The following BCKDHB variants were observed in gnomAD, a reference collection of about 807,000 sequenced individuals.
BCKDHB encodes the protein branched chain keto acid dehydrogenase E1 subunit beta.
Under a neutral mutation model 48.5 loss-of-function variants are expected in BCKDHB, and 41 were observed. The ratio of observed to expected loss-of-function variants is 0.85; its 90% CI spans 0.66 to 1.10. The LOEUF (loss-of-function observed/expected upper bound fraction) is 1.10. Among genes scored for constraint, BCKDHB ranks in the 50% least tolerant of loss-of-function variants. The pLI, the probability that BCKDHB is intolerant of heterozygous loss-of-function variation, is 0.00. For missense variants in BCKDHB, 496 were observed against 494.2 expected, an observed-to-expected ratio of 1.00 and a Z score of -0.03; for synonymous variants, 201 against 174.8, an observed-to-expected ratio of 1.15 and a Z score of -1.18.
chr6:80,192,803 T>C (rs918565275), intron 6 of BCKDHB, among the ~76,000 whole-genome samples: 1 of 149,584 alleles, frequency 6.7e-6, no homozygotes, highest in Non-Finnish European at 1.5e-5. Flanking sequence ...TCATTACTTT[T>C]GTGATTTATA....
At chr6:80,208,095 T>TA (rs1189200356) in intron 8 of BCKDHB, among the ~76,000 whole-genome samples, 1 of 151,824 alleles carries the variant, frequency 6.6e-6, no homozygotes, top group Admixed American at 6.6e-5. Flanking sequence ...AATATAACCT[T>TA]AAAAAATTCC....
chr6:80,217,946 TA>T, intron 8 of BCKDHB, among the ~76,000 whole-genome samples: 1 of 152,280 alleles, frequency 6.6e-6, no homozygotes, highest in Non-Finnish European at 1.5e-5. Flanking sequence ...GAGAAAGATG[TA>T]ATAAACACTT....
At chr6:80,239,082 G>T (rs1776269799) in intron 8 of BCKDHB, among the ~76,000 whole-genome samples, 1 of 152,168 alleles carries the variant, frequency 6.6e-6, no homozygotes, top group African/African-American at 2.4e-5. Flanking sequence ...TGTCTTTATA[G>T]TAGAATGATT....
chr6:80,348,533 A>G (rs1467886087), downstream of BCKDHB, among the ~76,000 whole-genome samples: 1 of 152,182 alleles, frequency 6.6e-6, no homozygotes, highest in African/African-American at 2.4e-5. Context: ...CCTGATCCAG[A>G]CCCAGCCAGG....
intron 1 of BCKDHB, among the ~76,000 whole-genome samples, chr6:80,108,585 G>T (rs1486486962): frequency 1.3e-5 from 2 of 151,398 alleles, no homozygotes; most frequent in African/African-American, 4.9e-5. Context: ...AAATCTGCCG[G>T]GCGCAGTGGC....
At chr6:80,423,203 G>A in the BCKDHB span, among the ~76,000 whole-genome samples, 1 of 152,068 alleles carries the variant, frequency 6.6e-6, no homozygotes. Context: ...TCTCTATCCT[G>A]CCACCTTGCG....
At chr6:80,357,625 G>A in the BCKDHB span, among the ~76,000 whole-genome samples, 17 of 152,276 alleles carry the variant, frequency 1.1e-4, no homozygotes, top group African/African-American at 4.1e-4. Context: ...ACAAAACTTC[G>A]ACCTTGAAGC....
At position 80,171,290 on chromosome 6, in the gene BCKDHB, A is replaced by G; in HGVS notation, c.642A>G (p.Ile214Met). Residue 214 changes from isoleucine to methionine, a missense_variant, in exon 6 of 10, where the codon ATA becomes ATG. By Grantham distance (10) the Ile-to-Met change is conservative. Transcript: ENST00000320393. ...AAAATCTGTTTTTGCAGGTGGTTAT[A>G]CCCAGAAGCCCTTTCCAGGCCAAAG... ...FAHCPGIKVV[I>M]PRSPFQAKGL... 1 of 1,606,268 alleles carries G rather than the reference A, an allele frequency of 6.2e-7. No homozygotes were observed. Among genetic ancestry groups the G allele is most frequent in the South Asian group, 1.1e-5 (1 of 90,146 alleles).
the BCKDHB span, among the ~76,000 whole-genome samples, chr6:80,438,659 TG>T: frequency 6.6e-6 from 1 of 152,314 alleles, no homozygotes; most frequent in African/African-American, 2.4e-5. Context: ...AATATACACT[TG>T]TGTTTCTAGC....
chr6:80,126,036 G>T (rs1323916841), intron 1 of BCKDHB, among the ~76,000 whole-genome samples: 1 of 152,092 alleles, frequency 6.6e-6, no homozygotes, highest in East Asian at 1.9e-4. Context: ...CTAGCCTGAA[G>T]AAAAATAAAT....
At chr6:80,113,189 C>T (rs1211665075) in intron 1 of BCKDHB, among the ~76,000 whole-genome samples, 1 of 152,176 alleles carries the variant, frequency 6.6e-6, no homozygotes, top group Admixed American at 6.5e-5. Flanking sequence ...GATGAGCTGC[C>T]ATGGCCAACT....
chr6:80,385,342 T>G, the BCKDHB span, among the ~76,000 whole-genome samples: 2 of 152,214 alleles, frequency 1.3e-5, no homozygotes, highest in Non-Finnish European at 2.9e-5. Flanking sequence ...TAAAGGTGCT[T>G]GCACAGCCTC....
At chr6:80,434,443 T>G in the BCKDHB span, among the ~76,000 whole-genome samples, 1 of 152,086 alleles carries the variant, frequency 6.6e-6, no homozygotes. Flanking sequence ...ACCTCTGTCC[T>G]ATGTAGGTCT....
At chr6:80,457,998 G>T in the BCKDHB span, among the ~76,000 whole-genome samples, 2 of 152,202 alleles carry the variant, frequency 1.3e-5, no homozygotes, top group Admixed American at 6.5e-5. Flanking sequence ...TTTCACGTAA[G>T]TTAACTGTCT....
chr6:80,329,844 AC>A (rs35684506), intron 9 of BCKDHB, among the ~76,000 whole-genome samples: 2 of 152,064 alleles, frequency 1.3e-5, no homozygotes, highest in African/African-American at 2.4e-5. Context: ...TCTATCACAG[AC>A]CCCTTACTTA....
At chr6:80,371,054 G>C in the BCKDHB span, among the ~76,000 whole-genome samples, 1 of 152,014 alleles carries the variant, frequency 6.6e-6, no homozygotes, top group African/African-American at 2.4e-5. Flanking sequence ...AGTTCTTTAA[G>C]GAATCCCCAC....
intron 9 of BCKDHB, among the ~76,000 whole-genome samples, chr6:80,284,206 C>A (rs16891637): frequency 6.6e-6 from 1 of 151,934 alleles, no homozygotes; most frequent in Admixed American, 6.6e-5. Flanking sequence ...AAAATATAGT[C>A]GAGTTTAAAA....
At chr6:80,227,974 G>A (rs1775751363) in intron 8 of BCKDHB, among the ~76,000 whole-genome samples, 2 of 152,140 alleles carry the variant, frequency 1.3e-5, no homozygotes, top group African/African-American at 4.8e-5. Context: ...CATATGTGGT[G>A]ATTAGGCTTT....
At chr6:80,352,073 G>A in the BCKDHB span, among the ~76,000 whole-genome samples, 3 of 151,688 alleles carry the variant, frequency 2.0e-5, no homozygotes, top group African/African-American at 4.8e-5. Flanking sequence ...TGCCCGCCTC[G>A]GCCTCCCAAA....
Sources: gnomAD v4.1 joint callset for allele counts (sites outside exome capture counted in the v4.1 genomes callset) on GRCh38, gnomAD v4.1.1 for gene constraint, MANE v1.5 for transcripts, NCBI Gene and HGNC (gene_info 2026-07-23, HGNC 2026-07-21) for gene names.